ADGRG3: variants seen among roughly 807,000 people sequenced by gnomAD.
The protein encoded by ADGRG3 is adhesion G protein-coupled receptor G3.
ADGRG3 carries 39 observed loss-of-function variants against 54.3 expected under a neutral mutation model. The observed-to-expected ratio is 0.72, with a 90% confidence interval of 0.56 to 0.94. The LOEUF is 0.94. Ranked by LOEUF, ADGRG3 falls within the 40% of genes least tolerant of loss-of-function variation. The pLI is 0.00. For synonymous variants in ADGRG3, 312 were observed against 290.0 expected, an observed-to-expected ratio of 1.08 and a Z score of -0.77; for missense variants, 654 against 694.6, an observed-to-expected ratio of 0.94 and a Z score of 0.66.
chr16:57,666,709 C>T (rs1370681475), upstream of ADGRG3, among the ~76,000 whole-genome samples: 2 of 152,130 alleles, frequency 1.3e-5, no homozygotes, highest in Non-Finnish European at 2.9e-5. Context: ...GGGGGCGTTT[C>T]AGGGAAGGGG....
At chr16:57,669,440 G>A (rs16958708) in intron 1 of ADGRG3, among the ~76,000 whole-genome samples, 14,112 of 152,230 alleles carry the variant, frequency 0.093, 709 homozygotes, top group South Asian at 0.13. Flanking sequence ...GCCCTTGATA[G>A]ATGAATGAAC....
rs1567864702 is a variant in ADGRG3 at position 57,688,725 on chromosome 16, T to A, written c.*264T>A. The A allele has an allele frequency of 3.7e-5, 16 of 434,582 alleles. No homozygotes were observed. The East Asian group carries it at 6.3e-4, about 17-fold the overall frequency. 26.9% of individuals were successfully genotyped at this position (434,582 alleles called of 1,614,324 possible). On this transcript the variant is annotated 3_prime_UTR_variant, in exon 12 of 12. Transcript: ENST00000333493. The stretch of plus-strand genomic sequence containing the variant: ...CTGCCAGCAAAGAGTGACAGTCACC[T>A]CCATGCCCTGCCCTCATTGCAAAGC...
chr16:57,676,147 G>T, intron 2 of ADGRG3, 53 bp from the exon 3 acceptor site: 1 of 1,565,610 alleles, frequency 6.4e-7, no homozygotes. Flanking sequence ...CCTGATGAGT[G>T]AGTAACTCAG....
chr16:57,678,930 G>T, intron 4 of ADGRG3: 1 of 555,636 alleles, frequency 1.8e-6, no homozygotes, highest in African/African-American at 1.9e-5. Flanking sequence ...AGCTCTGGAG[G>T]CCAGCAATGG....
At chr16:57,675,017 G>GCAA (rs149663357) in intron 2 of ADGRG3, among the ~76,000 whole-genome samples, 1 of 118,590 alleles carries the variant, frequency 8.4e-6, no homozygotes, top group Non-Finnish European at 1.8e-5. Context: ...AAAAAAAGCA[G>GCAA]CAGCAGCAGC....
At chr16:57,677,982 G>A (rs557786374) in intron 3 of ADGRG3, among the ~76,000 whole-genome samples, 188 bp from the exon 4 acceptor site, 15 of 152,238 alleles carry the variant, frequency 9.9e-5, no homozygotes, top group Non-Finnish European at 1.8e-4. Flanking sequence ...GCTATAACTT[G>A]TCTAGGGATG....
In ADGRG3 at chr16:57,685,798, A is replaced by G. The variant is rs1487414021; in HGVS notation, c.1412A>G (p.Lys471Arg). Residue 471 changes from lysine (K) to arginine (R), a missense_variant, in exon 11 of 12, where the codon AAG (lysine) becomes AGG (arginine). Transcript: ENST00000333493. ...GCTACAGCGGTCAAGGAGCGGGGGA[A>G]GAACCGGAAGAAGGTGCTCACCCTG... The part of the protein sequence containing the change: ...SRATAVKERG[K>R]NRKKVLTLLG... The G allele has an allele frequency of 7.4e-6, 12 of 1,614,086 alleles. No homozygotes were observed. Among genetic ancestry groups the G allele is most frequent in the Non-Finnish European group, 1.7e-6 (2 of 1,180,046 alleles).
rs1280332180 is a variant in ADGRG3 at position 57,689,263 on chromosome 16, C to G, written c.*802C>G. 1 of 154,792 alleles carries G rather than the reference C, an allele frequency of 6.5e-6. No homozygotes were observed. Among genetic ancestry groups the G allele is most frequent in the Admixed American group, 6.4e-5 (1 of 15,700 alleles). 9.6% of individuals were successfully genotyped at this position (154,792 alleles called of 1,614,324 possible). A position where few individuals can be genotyped will look rare whatever the true frequency, so the allele number is the denominator to read the frequency against. ...CCTGAGCAGAGGCTGGGCATTGCCA[C>G]TAGGACCTGAGCTCCTAGAGAACAA... On this transcript the variant is annotated 3_prime_UTR_variant, in exon 12 of 12. Transcript: ENST00000333493.
chr16:57,681,105 A>C (rs1179066349), intron 8 of ADGRG3: 2 of 161,618 alleles, frequency 1.2e-5, no homozygotes, highest in Non-Finnish European at 2.7e-5. Flanking sequence ...CCTCTTTCCA[A>C]GTATTCTAAG....
At chr16:57,681,642 C>T (rs1190151496) in intron 8 of ADGRG3, among the ~76,000 whole-genome samples, 1 of 147,944 alleles carries the variant, frequency 6.8e-6, no homozygotes, top group Admixed American at 6.9e-5. Context: ...AGGAGAATCG[C>T]TTGAACCAAG....
At chr16:57,678,144 G>A in intron 3 of ADGRG3, 26 bp from the exon 4 acceptor site, 1 of 1,612,180 alleles carries the variant, frequency 6.2e-7, no homozygotes, top group African/African-American at 1.3e-5. Flanking sequence ...GGGTACAGAT[G>A]GGAGCTGCTG....
upstream of ADGRG3, among the ~76,000 whole-genome samples, chr16:57,667,537 C>T (rs1179660060): frequency 3.9e-5 from 6 of 152,264 alleles, no homozygotes; most frequent in South Asian, 2.1e-4. Flanking sequence ...TGGCCACAGG[C>T]GGCTCCGCCT....
At chr16:57,669,614 G>C (rs1409603440) in intron 1 of ADGRG3, among the ~76,000 whole-genome samples, 2 of 152,226 alleles carry the variant, frequency 1.3e-5, no homozygotes, top group Non-Finnish European at 2.9e-5. Flanking sequence ...TGAGCAAGGA[G>C]CTCTGAGAGG....
chr16:57,679,011 G>T (rs2048314963), intron 4 of ADGRG3, among the ~76,000 whole-genome samples, 166 bp from the exon 5 acceptor site: 3 of 152,132 alleles, frequency 2.0e-5, no homozygotes, highest in Admixed American at 1.3e-4. Context: ...ACTGGGAGCA[G>T]CAGGGAGGAG....
intron 1 of ADGRG3, among the ~76,000 whole-genome samples, chr16:57,669,489 G>A (rs550086095): frequency 2.9e-4 from 44 of 152,324 alleles, no homozygotes; most frequent in African/African-American, 8.7e-4. Context: ...GCTCATGGGC[G>A]TCCTCAGGTC....
chr16:57,687,932 A>G (rs192197032), intron 11 of ADGRG3, among the ~76,000 whole-genome samples: 4 of 152,320 alleles, frequency 2.6e-5, no homozygotes, highest in Non-Finnish European at 5.9e-5. Flanking sequence ...ATAGAGGTTT[A>G]GTTACAGATT....
chr16:57,683,429 G>T (rs995998845), intron 8 of ADGRG3, among the ~76,000 whole-genome samples: 1 of 152,164 alleles, frequency 6.6e-6, no homozygotes, highest in Non-Finnish European at 1.5e-5. Context: ...TCTCTCTAAT[G>T]TAAATGCCCA....
At chr16:57,673,563 A>G in intron 2 of ADGRG3, 95 bp downstream of exon 2, 3 of 1,218,180 alleles carry the variant, frequency 2.5e-6, no homozygotes, top group Non-Finnish European at 2.3e-6. Flanking sequence ...TGGCCCCAGA[A>G]AATGTTGCTC....
chr16:57,681,373 TGTGCGCGC>T (rs1302947391), intron 8 of ADGRG3, among the ~76,000 whole-genome samples: 1 of 83,496 alleles, frequency 1.2e-5, no homozygotes, highest in African/African-American at 6.1e-5. Flanking sequence ...TGTGTGTGTG[TGTGCGCGC>T]GTGCGTGCGC....
Sources: allele counts gnomAD v4.1 joint callset (sites outside exome capture counted in the v4.1 genomes callset), GRCh38; gene constraint gnomAD v4.1.1; transcripts MANE v1.5; gene names NCBI Gene and HGNC (gene_info 2026-07-23, HGNC 2026-07-21).